Variants in CDH4 observed in about 807,000 individuals in gnomAD.
CDH4 encodes cadherin-4.
Under a neutral mutation model 86.0 loss-of-function variants are expected in CDH4, and 33 were observed. The observed-to-expected ratio is 0.38, with a 90% confidence interval of 0.29 to 0.51. CDH4 has a LOEUF of 0.51. Among genes scored for constraint, CDH4 ranks in the 20% least tolerant of loss-of-function variants. The probability of loss-of-function intolerance (pLI) is 0.86; values close to 1 mark genes in which losing one functional copy is unlikely to be tolerated. For missense variants in CDH4, 1,114 were observed against 1,307.4 expected, an observed-to-expected ratio of 0.85 and a Z score of 2.28; for synonymous variants, 555 against 549.4, an observed-to-expected ratio of 1.01 and a Z score of -0.14.
At chr20:61,853,606 C>T (rs1982843108) in intron 6 of CDH4, among the ~76,000 whole-genome samples, 1 of 152,128 alleles carries the variant, frequency 6.6e-6, no homozygotes, top group Admixed American at 6.5e-5. Context: ...AGTGGACGAC[C>T]CCCACCAGCA....
chr20:61,258,346 G>GAAAAAA (rs1234257125), intron 2 of CDH4, among the ~76,000 whole-genome samples: 2 of 42,784 alleles, frequency 4.7e-5, no homozygotes, highest in African/African-American at 1.6e-4. Context: ...AAAAAAAAAA[G>GAAAAAA]AAAAAAAAAA....
At chr20:61,378,555 G>A (rs567993159) in intron 2 of CDH4, among the ~76,000 whole-genome samples, 39 of 152,254 alleles carry the variant, frequency 2.6e-4, no homozygotes, top group African/African-American at 9.4e-4. Flanking sequence ...CCTCTCATCT[G>A]TGTGTCCCTC....
chr20:61,813,722 T>G (rs1980559806), intron 4 of CDH4, among the ~76,000 whole-genome samples: 2 of 152,184 alleles, frequency 1.3e-5, no homozygotes, highest in East Asian at 3.9e-4. Context: ...TGTTTATTTT[T>G]ATTTTCTCAC....
chr20:61,553,425 T>A (rs1342457326), intron 2 of CDH4, among the ~76,000 whole-genome samples: 2 of 152,254 alleles, frequency 1.3e-5, no homozygotes, highest in African/African-American at 2.4e-5. Context: ...TGCGTGGATT[T>A]ACAGTATGCG....
At chr20:61,482,445 C>G (rs1293671452) in intron 2 of CDH4, among the ~76,000 whole-genome samples, 2 of 152,162 alleles carry the variant, frequency 1.3e-5, no homozygotes, top group African/African-American at 2.4e-5. Context: ...GCTGTTTTCT[C>G]TCTTGTGGCC....
At chr20:61,338,791 G>C (rs4552247) in intron 2 of CDH4, among the ~76,000 whole-genome samples, 94,554 of 152,068 alleles carry the variant, frequency 0.62, 29,463 homozygotes, top group Middle Eastern at 0.77. Flanking sequence ...TCCTCAGGGC[G>C]AAGATAATAT....
chr20:61,818,385 G>T (rs1309039416), intron 4 of CDH4, among the ~76,000 whole-genome samples: 2 of 152,168 alleles, frequency 1.3e-5, no homozygotes, highest in African/African-American at 4.8e-5. Flanking sequence ...ATTCCAAAAA[G>T]TGGGAACTTG....
At chr20:61,397,913 A>G (rs980607278) in intron 2 of CDH4, among the ~76,000 whole-genome samples, 1 of 151,676 alleles carries the variant, frequency 6.6e-6, no homozygotes, top group South Asian at 2.1e-4. Context: ...ATTTTTTTTT[A>G]GCGCATCCAG....
At chr20:61,931,112 CCTCCTCCACA>C in intron 13 of CDH4, among the ~76,000 whole-genome samples, 1 of 152,352 alleles carries the variant, frequency 6.6e-6, no homozygotes, top group Non-Finnish European at 1.5e-5. Context: ...AGTGGCCTCC[CCTCCTCCACA>C]CTCCTCCTCT....
chr20:61,698,426 G>A (rs1314879677), intron 2 of CDH4, among the ~76,000 whole-genome samples: 6 of 152,254 alleles, frequency 3.9e-5, no homozygotes, highest in African/African-American at 9.6e-5. Flanking sequence ...CCTGCCGTCC[G>A]GGTGCTTCCC....
chr20:61,931,231 G>T (rs560969055), intron 13 of CDH4, among the ~76,000 whole-genome samples: 4 of 152,322 alleles, frequency 2.6e-5, no homozygotes, highest in African/African-American at 9.6e-5. Context: ...GGCTTCCGTC[G>T]AGCCAAGACT....
At chr20:61,409,707 A>G (rs190571090) in intron 2 of CDH4, among the ~76,000 whole-genome samples, 13 of 152,388 alleles carry the variant, frequency 8.5e-5, no homozygotes, top group Admixed American at 4.6e-4. Flanking sequence ...TTTCTTCTAC[A>G]CTGCACTTTC....
At chr20:61,778,537 G>A (rs1365582097) in intron 4 of CDH4, among the ~76,000 whole-genome samples, 1 of 152,090 alleles carries the variant, frequency 6.6e-6, no homozygotes, top group Non-Finnish European at 1.5e-5. Context: ...GCAAAGGGGT[G>A]GCTCTAATTG....
At position 61,754,597 on chromosome 20, in the gene CDH4, AACACCACACACACGGTGCACGGCACAC is replaced by A. The variant is rs149681320; in HGVS notation, c.396+10822_396+10848del. Among the ~76,000 whole-genome samples the A allele has an allele frequency of 0.032, 4,893 of 151,886 alleles. 273 individuals carry two copies. The highest frequency in any genetic ancestry group is 0.11 in the African/African-American group (4,676 of 41,306). ...CAACAGGTGCAGGCACACTGCCCGGAACACCACACACACGGTGCACGGCACACACACCACACACACACGCCCCACACA... is the reference window on the plus strand; with the variant it reads ...CAACAGGTGCAGGCACACTGCCCGGAACACCACACACACACGCCCCACACA... On this transcript the variant is annotated intron_variant, in intron 3 of 15. Transcript: ENST00000614565. This position sits in a 1 kb window ranked among gnomAD's most constrained non-coding sequence, Gnocchi z 4.7.
chr20:61,789,225 TG>T (rs1979037337), intron 4 of CDH4, among the ~76,000 whole-genome samples: 1 of 152,206 alleles, frequency 6.6e-6, no homozygotes, highest in South Asian at 2.1e-4. Context: ...CTGAGCTGTG[TG>T]GGGCCCTGTC....
intron 4 of CDH4, among the ~76,000 whole-genome samples, chr20:61,840,814 G>A (rs1341565204): frequency 6.6e-6 from 1 of 152,232 alleles, no homozygotes; most frequent in African/African-American, 2.4e-5. Context: ...AGAGCATTTT[G>A]AGAGCTGATG....
intron 2 of CDH4, among the ~76,000 whole-genome samples, chr20:61,371,966 T>A (rs1353886267): frequency 6.6e-6 from 1 of 152,174 alleles, no homozygotes; most frequent in Non-Finnish European, 1.5e-5. Context: ...AGAGTAATGT[T>A]TAATGAGGTC....
intron 2 of CDH4, among the ~76,000 whole-genome samples, chr20:61,733,799 A>T (rs1277057045): frequency 6.6e-6 from 1 of 152,236 alleles, no homozygotes; most frequent in East Asian, 1.9e-4. Context: ...CCCTCTCCTC[A>T]GCACGGTCCC....
At chr20:61,507,355 G>C (rs550550661) in intron 2 of CDH4, among the ~76,000 whole-genome samples, 33 of 152,298 alleles carry the variant, frequency 2.2e-4, no homozygotes, top group Non-Finnish European at 4.3e-4. Context: ...TTTGTAAGTA[G>C]ATTTGATTTA....
Sources: gnomAD v4.1 joint callset for allele counts (sites outside exome capture counted in the v4.1 genomes callset) on GRCh38, gnomAD v4.1.1 for gene constraint, Gnocchi (gnomAD v3.1) non-coding constraint, MANE v1.5 for transcripts, NCBI Gene and HGNC (gene_info 2026-07-23, HGNC 2026-07-21) for gene names.